The following REXO5 variants were observed in gnomAD, a reference collection of about 807,000 sequenced individuals.
REXO5 encodes exonuclease NEF-sp.
A neutral mutation model predicts 88.5 loss-of-function variants in REXO5; 48 were observed. The ratio of observed to expected loss-of-function variants is 0.54; its 90% CI spans 0.43 to 0.69. The LOEUF is 0.69. Ranked by LOEUF, REXO5 falls within the 30% of genes least tolerant of loss-of-function variation. The pLI, the probability that REXO5 is intolerant of heterozygous loss-of-function variation, is 0.00. For synonymous variants in REXO5, 311 were observed against 336.5 expected (o/e 0.92, Z 0.83); for missense variants, 749 against 912.2 (o/e 0.82, Z 2.30).
chr16:20,806,489 C>T, upstream of REXO5: 3 of 1,548,192 alleles, frequency 1.9e-6, no homozygotes, highest in Non-Finnish European at 2.6e-6. Context: ...CTTCTACTTC[C>T]GGTCCGTTCA....
chr16:20,825,723 C>T (rs1483566458), intron 7 of REXO5, 110 bp from the exon 8 acceptor site: 3 of 724,250 alleles, frequency 4.1e-6, no homozygotes, highest in Non-Finnish European at 6.8e-6. Flanking sequence ...TGTGCCATTG[C>T]TGCAGGGACC....
chr16:20,836,893 C>T (rs1272141416), intron 13 of REXO5, among the ~76,000 whole-genome samples: 1 of 152,160 alleles, frequency 6.6e-6, no homozygotes, highest in Admixed American at 6.6e-5. Flanking sequence ...AGCATCTTTT[C>T]ATATGCTTAT....
intron 6 of REXO5, chr16:20,823,529 T>C (rs2152504189): frequency 6.6e-6 from 1 of 152,308 alleles, no homozygotes; most frequent in Non-Finnish European, 1.5e-5. Flanking sequence ...CCACTGATAA[T>C]ATAGATAAGG....
At chr16:20,811,802 T>C (rs764567064) in intron 2 of REXO5, among the ~76,000 whole-genome samples, 3 of 152,244 alleles carry the variant, frequency 2.0e-5, no homozygotes, top group Non-Finnish European at 4.4e-5. Context: ...AGCAATAATA[T>C]CTAATGTTTA....
chr16:20,832,342 C>T (rs2081358231), intron 12 of REXO5, 83 bp downstream of exon 12: 6 of 887,542 alleles, frequency 6.8e-6, no homozygotes, highest in Non-Finnish European at 8.6e-6. Context: ...ATGTTTTTAT[C>T]CTCTTTTGAG....
chr16:20,831,065 G>A (rs1376457483), intron 11 of REXO5, among the ~76,000 whole-genome samples: 1 of 144,900 alleles, frequency 6.9e-6, no homozygotes, highest in African/African-American at 2.6e-5. Flanking sequence ...CTGGGCTCAA[G>A]GGATCCTCCT....
In REXO5 at chr16:20,815,001, A is replaced by G. The variant is rs1324539776; in HGVS notation, c.326A>G (p.His109Arg). The G allele has an allele frequency of 1.2e-6, 2 of 1,613,890 alleles. No individual in the cohort carries two copies. Among genetic ancestry groups the G allele is most frequent in the East Asian group, 4.5e-5 (2 of 44,872 alleles). ...VFVLQGMSQL[H>R]FYRFYLEFGC... ...GTTCTGCAGGGAATGAGTCAGCTAC[A>G]CTTTTACAGGTTCTATTTGGAGTTT... The change falls in exon 4 of 20, where the codon CAC (histidine) becomes CGC (arginine). Residue 109 changes from histidine to arginine, a missense_variant. Physicochemically the swap from His to Arg is conservative, Grantham distance 29. Coordinates refer to ENST00000261377, the MANE Select transcript of REXO5 (RefSeq NM_030941.3).
chr16:20,838,811 C>T (rs2081479356), intron 13 of REXO5, among the ~76,000 whole-genome samples: 1 of 152,174 alleles, frequency 6.6e-6, no homozygotes, highest in African/African-American at 2.4e-5. Flanking sequence ...ACATTGGACA[C>T]ATGGTCCCCT....
chr16:20,832,905 G>T, intron 12 of REXO5, 98 bp from the exon 13 acceptor site: 2 of 1,060,056 alleles, frequency 1.9e-6, no homozygotes, highest in Non-Finnish European at 1.3e-6. Flanking sequence ...GCTATATATT[G>T]CTAGTGGCTA....
intron 14 of REXO5, 107 bp downstream of exon 14, chr16:20,839,966 G>C (rs2081500916): frequency 2.8e-6 from 2 of 708,904 alleles, no homozygotes; most frequent in African/African-American, 3.5e-5. Flanking sequence ...TTTTTCTCTA[G>C]ATTTTTACTA....
At chr16:20,827,509 A>T in intron 10 of REXO5, 62 bp downstream of exon 10, 4 of 1,184,834 alleles carry the variant, frequency 3.4e-6, no homozygotes, top group Non-Finnish European at 5.0e-6. Context: ...AGCATGTAGT[A>T]TCTAATTTAA....
intron 3 of REXO5, among the ~76,000 whole-genome samples, chr16:20,813,990 G>A (rs898189240): frequency 1.3e-5 from 2 of 151,916 alleles, no homozygotes; most frequent in African/African-American, 4.8e-5. Flanking sequence ...TAATACACAC[G>A]TCTTTCTGGG....
chr16:20,810,703 A>G (rs2080985054), intron 2 of REXO5, among the ~76,000 whole-genome samples: 1 of 152,062 alleles, frequency 6.6e-6, no homozygotes, highest in African/African-American at 2.4e-5. Flanking sequence ...GTCCATTTTC[A>G]TATTTGTAAC....
At chr16:20,838,569 C>T (rs2081475062) in intron 13 of REXO5, among the ~76,000 whole-genome samples, 1 of 152,146 alleles carries the variant, frequency 6.6e-6, no homozygotes, top group African/African-American at 2.4e-5. Flanking sequence ...GGAGATTTGT[C>T]TTCTCTGGGG....
chr16:20,821,982 A>G, intron 6 of REXO5, 80 bp downstream of exon 6: 1 of 1,368,650 alleles, frequency 7.3e-7, no homozygotes, highest in South Asian at 1.7e-5. Flanking sequence ...TTTGAGATTC[A>G]TTTATCTGGC....
intron 13 of REXO5, among the ~76,000 whole-genome samples, chr16:20,838,600 GT>G (rs1241820837): frequency 6.6e-6 from 1 of 152,142 alleles, no homozygotes; most frequent in African/African-American, 2.4e-5. Context: ...GCCTTTAGTT[GT>G]TCCCTGAGCC....
chr16:20,835,899 G>A (rs2081421241), intron 13 of REXO5, among the ~76,000 whole-genome samples: 1 of 152,158 alleles, frequency 6.6e-6, no homozygotes, highest in South Asian at 2.1e-4. Context: ...AATTAGCCAG[G>A]CCTGGTAGCA....
At chr16:20,811,678 A>G (rs951500077) in intron 2 of REXO5, among the ~76,000 whole-genome samples, 1 of 152,220 alleles carries the variant, frequency 6.6e-6, no homozygotes, top group African/African-American at 2.4e-5. Flanking sequence ...GGATGATAGT[A>G]GTACACACTT....
At position 20,813,253 on chromosome 16, in the gene REXO5, G is replaced by A; in HGVS notation, c.202G>A (p.Glu68Lys). 6.2e-7 allele frequency: 1 copy of A among 1,613,624 alleles called. No individual in the cohort carries two copies. Among genetic ancestry groups the A allele is most frequent in the Non-Finnish European group, 8.5e-7 (1 of 1,179,868 alleles). The stretch of plus-strand genomic sequence containing the variant: ...TGAAGTAACCCATGACCAGCTGTGT[G>A]AATTGCTGAAGTATGCAGTTCTGGG... ...NCEVTHDQLCELLKYAVLGKS... is the reference protein window; with the variant it reads ...NCEVTHDQLCKLLKYAVLGKS... The change falls in exon 3 of 20, where the codon GAA (glutamate) becomes AAA (lysine). Residue 68 changes from glutamate (E) to lysine (K), a missense_variant. Physicochemically the swap from Glu to Lys is moderately conservative, Grantham distance 56. Transcript: ENST00000261377.
Sources: gnomAD v4.1 joint callset for allele counts (sites outside exome capture counted in the v4.1 genomes callset) on GRCh38, gnomAD v4.1.1 for gene constraint, MANE v1.5 for transcripts, NCBI Gene and HGNC (gene_info 2026-07-23, HGNC 2026-07-21) for gene names.